The following IGFL1 variants were observed in gnomAD, a reference collection of about 807,000 sequenced individuals.
IGFL1 encodes IGF like family member 1, also known as insulin growth factor-like family member 1.
Under a neutral mutation model 16.0 loss-of-function variants are expected in IGFL1, and 16 were observed. The ratio of observed to expected loss-of-function variants is 1.00; its 90% CI spans 0.68 to 1.52. IGFL1 has a LOEUF of 1.52. Among genes scored for constraint, IGFL1 ranks in the 40% most tolerant of loss-of-function variants. The pLI is 0.00. For missense variants in IGFL1, 149 were observed against 141.7 expected (o/e 1.05, Z -0.26); for synonymous variants, 59 against 54.0 (o/e 1.09, Z -0.41).
At position 46,231,004 on chromosome 19, in the gene IGFL1, C is replaced by T. The variant is rs927491721; in HGVS notation, c.*174C>T. On this transcript the variant is annotated 3_prime_UTR_variant, in exon 4 of 4. Transcript: ENST00000437936. The stretch of plus-strand genomic sequence containing the variant: ...TGTCTGAGGCCCACCCTGCAGCTGC[C>T]CTGAGGAGGCCCACAGGTCCCCTTC... The T allele has an allele frequency of 2.0e-5, 14 of 687,342 alleles. No homozygotes were observed. In the African/African-American group the frequency reaches 2.5e-4, roughly 12 times the overall value. 42.6% of individuals were successfully genotyped at this position (687,342 alleles called of 1,614,324 possible).
Position 46,230,867 on chromosome 19 carries a change from T to C in IGFL1, c.*37T>C, listed in dbSNP as rs1481619752. On this transcript the variant is annotated 3_prime_UTR_variant, in exon 4 of 4. Coordinates refer to ENST00000437936, the MANE Select transcript of IGFL1 (RefSeq NM_198541.2). ...GGGAACGATGACTCCTGGATTCTCC[T>C]TCCTGGGTGGGCCTGGAGAAAGAGG... The C allele has an allele frequency of 5.0e-6, 8 of 1,597,744 alleles. No individual in the cohort carries two copies. The highest frequency in any genetic ancestry group is 6.8e-6 in the Non-Finnish European group (8 of 1,169,662).
At position 46,230,395 on chromosome 19, in the gene IGFL1, G is replaced by T; in HGVS notation, c.201G>T (p.Gln67His). The T allele has an allele frequency of 6.2e-7, 1 of 1,614,052 alleles. No homozygotes were observed. The highest frequency in any genetic ancestry group is 8.5e-7 in the Non-Finnish European group (1 of 1,179,910). ...CCGTCGTGCCCTTGGCCAGGACCCA[G>T]ACGTGTGGAAACTGCACCTTCAGAG... ...DDAVVPLART[Q>H]TCGNCTFRVC... is the part of the protein sequence containing the mutation. The change falls in exon 3 of 4, where the codon CAG becomes CAT. Residue 67 changes from glutamine (Q) to histidine (H), a missense_variant. Transcript: ENST00000437936.
rs377132917 is a variant in IGFL1, at chr19:46,230,351, C to T, written c.157C>T (p.His53Tyr). 8.7e-6 allele frequency: 14 copies of T among 1,613,932 alleles called. No individual in the cohort carries two copies. Among genetic ancestry groups the T allele is most frequent in the Admixed American group, 8.3e-5 (5 of 60,012 alleles). ...CGDKFYDPLQ[H>Y]CCYDDAVVPL... is the part of the protein sequence containing the mutation. ...GGACAAGTTCTACGACCCCCTGCAGCACTGTTGCTATGATGATGCCGTCGT... is the reference window on the plus strand; with the variant it reads ...GGACAAGTTCTACGACCCCCTGCAGTACTGTTGCTATGATGATGCCGTCGT... The change falls in exon 3 of 4, where the codon CAC becomes TAC. Residue 53 changes from histidine to tyrosine, a missense_variant. Coordinates refer to ENST00000437936, the MANE Select transcript of IGFL1 (RefSeq NM_198541.2).
At position 46,230,839 on chromosome 19, in the gene IGFL1, C is replaced by G; in HGVS notation, c.*9C>G. 6.2e-7 allele frequency: 1 copy of G among 1,610,418 alleles called. No homozygotes were observed. The highest frequency in any genetic ancestry group is 8.5e-7 in the Non-Finnish European group (1 of 1,178,278). The stretch of plus-strand genomic sequence containing the variant: ...TCTCCAGTGTCAGCTAATGGAACAT[C>G]AGGGGAACGATGACTCCTGGATTCT... On this transcript the variant is annotated 3_prime_UTR_variant, in exon 4 of 4. Transcript: ENST00000437936.
chr19:46,229,746 T>C lies in IGFL1; in HGVS notation c.-29T>C. 6.3e-7 allele frequency: 1 copy of C among 1,593,274 alleles called. No homozygotes were observed. Among genetic ancestry groups the C allele is most frequent in the Non-Finnish European group, 8.5e-7 (1 of 1,170,226 alleles). On this transcript the variant is annotated 5_prime_UTR_variant, in exon 1 of 4. Coordinates refer to ENST00000437936, the MANE Select transcript of IGFL1 (RefSeq NM_198541.2). The stretch of plus-strand genomic sequence containing the variant: ...GAGTGGCTGAGATCTGCTGATCCCC[T>C]CCTCACTCCACTGCAACCACCCAGA...
Position 46,230,358 on chromosome 19 carries a change from G to T in IGFL1, c.164G>T (p.Cys55Phe). The T allele has an allele frequency of 6.2e-7, 1 of 1,614,032 alleles. No individual in the cohort carries two copies. The highest frequency in any genetic ancestry group is 8.5e-7 in the Non-Finnish European group (1 of 1,179,896). Reference sequence around the variant, plus strand: ...TTCTACGACCCCCTGCAGCACTGTTGCTATGATGATGCCGTCGTGCCCTTG... The same window carrying T: ...TTCTACGACCCCCTGCAGCACTGTTTCTATGATGATGCCGTCGTGCCCTTG... ...DKFYDPLQHC[C>F]YDDAVVPLAR... is the part of the protein sequence containing the mutation. The change falls in exon 3 of 4, where the codon TGC becomes TTC. Residue 55 changes from cysteine (C) to phenylalanine (F), a missense_variant. Physicochemically the swap from Cys to Phe is radical, Grantham distance 205. Transcript: ENST00000437936.
At position 46,231,152 on chromosome 19, in the gene IGFL1, A is replaced by C. The variant is rs1601126271; in HGVS notation, c.*322A>C. ...CCCAAGGCTGGCTGGGGAACCCTTC[A>C]CCCTTCTGTGAGATTTTCCATCATC... On this transcript the variant is annotated 3_prime_UTR_variant, in exon 4 of 4. Transcript: ENST00000437936. 4.3e-6 allele frequency: 2 copies of C among 461,916 alleles called. No individual in the cohort carries two copies. The highest frequency in any genetic ancestry group is 7.9e-6 in the Non-Finnish European group (2 of 253,192). 28.6% of individuals were successfully genotyped at this position (461,916 alleles called of 1,614,324 possible).
At chr19:46,230,030 C>T in intron 1 of IGFL1, 78 bp from the exon 2 acceptor site, 1 of 1,534,842 alleles carries the variant, frequency 6.5e-7, no homozygotes, top group Non-Finnish European at 9.0e-7. Flanking sequence ...TGGTTCCACC[C>T]AGTCTTCTTC....
intron 3 of IGFL1, 64 bp from the exon 4 acceptor site, chr19:46,230,757 A>G (rs1431393046): frequency 1.3e-6 from 2 of 1,569,186 alleles, no homozygotes; most frequent in Admixed American, 1.7e-5. Flanking sequence ...GCCCATGTTC[A>G]GTCTCGCCCC....
rs201914709 is a variant in IGFL1, at chr19:46,229,784, C to T, written c.10C>T (p.Arg4Ter). MAP[R>*]GCIVAVFAIF... The stretch of plus-strand genomic sequence containing the variant: ...GCAACCACCCAGAGCCATGGCTCCC[C>T]GAGGCTGCATCGTAGGTAAGGAGGA... Residue 4 changes from arginine (R) to a stop codon, truncating the protein, a stop_gained, in exon 1 of 4, where the codon CGA (arginine) becomes TGA (stop). Coordinates refer to ENST00000437936, the MANE Select transcript of IGFL1 (RefSeq NM_198541.2). LOFTEE classifies it high-confidence loss of function. 6.8e-5 allele frequency: 109 copies of T among 1,607,316 alleles called. No individual in the cohort carries two copies. In the African/African-American group the frequency reaches 1.1e-3, roughly 17 times the overall value.
chr19:46,230,237 A>G, intron 2 of IGFL1, 37 bp from the exon 3 acceptor site: 1 of 1,613,506 alleles, frequency 6.2e-7, no homozygotes, highest in Non-Finnish European at 8.5e-7. Flanking sequence ...CCCACCTGCC[A>G]CTACCTCCTG....
Position 46,230,514 on chromosome 19 carries a change from G to C in IGFL1, c.320G>C (p.Arg107Pro), listed in dbSNP as rs201835804. ...SARTSDDRLCRSVS is the reference protein window; with the variant it reads ...SARTSDDRLCPSVS ...CGGACCTCGGATGACAGGCTTTGTC[G>C]CAGGTGAGTCCTGTCCCCTCCGTGG... The change falls in exon 3 of 4, where the codon CGC becomes CCC. Residue 107 changes from arginine (R) to proline (P), a missense_variant. By Grantham distance (103) the Arg-to-Pro change is moderately radical (BLOSUM62 -2). Transcript: ENST00000437936. 1 of 1,613,722 alleles carries C rather than the reference G, an allele frequency of 6.2e-7. No homozygotes were observed. The highest frequency in any genetic ancestry group is 1.7e-5 in the Admixed American group (1 of 60,032).
intron 1 of IGFL1, 122 bp from the exon 2 acceptor site, chr19:46,229,986 C>T (rs1967224842): frequency 7.7e-7 from 1 of 1,302,692 alleles, no homozygotes; most frequent in African/African-American, 1.5e-5. Flanking sequence ...AGCCCTGTTT[C>T]AGTCCCTGAG....
At chr19:46,230,615 G>GC (rs1343166149) in intron 3 of IGFL1, 98 bp downstream of exon 3, 3 of 1,538,838 alleles carry the variant, frequency 1.9e-6, no homozygotes, top group Non-Finnish European at 2.7e-6. Flanking sequence ...CCCTGTCTCT[G>GC]CCCCCTGCTT....
intron 3 of IGFL1, 100 bp from the exon 4 acceptor site, chr19:46,230,721 C>G: frequency 7.0e-7 from 1 of 1,435,806 alleles, no homozygotes; most frequent in Non-Finnish European, 9.7e-7. Flanking sequence ...CTGTCCTCTC[C>G]TCCTGGCTCT....
In IGFL1 at chr19:46,229,757, C is replaced by T. The variant is rs1967222105; in HGVS notation, c.-18C>T. 1 of 1,601,368 alleles carries T rather than the reference C, an allele frequency of 6.2e-7. No individual in the cohort carries two copies. On this transcript the variant is annotated 5_prime_UTR_variant, in exon 1 of 4. Transcript: ENST00000437936. ...ATCTGCTGATCCCCTCCTCACTCCA[C>T]TGCAACCACCCAGAGCCATGGCTCC...
At position 46,230,133 on chromosome 19, in the gene IGFL1, C is replaced by G. The variant is rs1967226382; in HGVS notation, c.51C>G (p.Ser17=). 6.2e-7 allele frequency: 1 copy of G among 1,613,922 alleles called. No homozygotes were observed. Among genetic ancestry groups the G allele is most frequent in the South Asian group, 1.1e-5 (1 of 91,086 alleles). The change falls in exon 2 of 4, where the codon TCC becomes TCG. Residue 17 remains serine (S), a synonymous_variant. Transcript: ENST00000437936. ...CTGTCTTTGCCATTTTCTGCATCTC[C>G]AGGCTCCTCTGCTCACACGGAGCCC... The part of the protein sequence containing the change: ...IVAVFAIFCI[S]RLLCSHGAPV...
chr19:46,230,340 A>G lies in IGFL1; in HGVS notation c.146A>G (p.Asp49Gly). 3 of 1,613,274 alleles carry G rather than the reference A, an allele frequency of 1.9e-6. No homozygotes were observed. The highest frequency in any genetic ancestry group is 2.5e-6 in the Non-Finnish European group (3 of 1,179,744). ...AAGAGATGTGGGGACAAGTTCTACG[A>G]CCCCCTGCAGCACTGTTGCTATGAT... ...PHKRCGDKFYDPLQHCCYDDA... is the reference protein window; with the variant it reads ...PHKRCGDKFYGPLQHCCYDDA... The change falls in exon 3 of 4, where the codon GAC (aspartate) becomes GGC (glycine). Residue 49 changes from aspartate to glycine, a missense_variant. Asp to Gly is a moderately conservative substitution (Grantham distance 94). Transcript: ENST00000437936.
rs758857747 is a variant in IGFL1 at position 46,230,151 on chromosome 19, C to T, written c.69C>T (p.His23=). ...GCATCTCCAGGCTCCTCTGCTCACA[C>T]GGAGCCCCAGGTGAGCCCAGGAGTG... ...IFCISRLLCS[H]GAPVAPMTPY... Residue 23 remains histidine (H), a synonymous_variant, in exon 2 of 4, where the codon CAC becomes CAT. Coordinates refer to ENST00000437936, the MANE Select transcript of IGFL1 (RefSeq NM_198541.2). The T allele has an allele frequency of 3.7e-6, 6 of 1,613,920 alleles. No homozygotes were observed. The highest frequency in any genetic ancestry group is 1.7e-5 in the Admixed American group (1 of 60,028).
Sources: gnomAD v4.1 joint callset for allele counts on GRCh38, gnomAD v4.1.1 for gene constraint, MANE v1.5 for transcripts, NCBI Gene and HGNC (gene_info 2026-07-23, HGNC 2026-07-21) for gene names.